The following MYH11 variants were observed in gnomAD, a reference collection of about 807,000 sequenced individuals.
The protein encoded by MYH11 is myosin-11.
MYH11 carries 80 observed loss-of-function variants against 246.6 expected under a neutral mutation model. The ratio of observed to expected loss-of-function variants is 0.32; its 90% confidence interval spans 0.27 to 0.39. The LOEUF (loss-of-function observed/expected upper bound fraction) is 0.39. MYH11 is among the 10% of genes least tolerant of loss of function. The probability of loss-of-function intolerance (pLI) is 1.00; values close to 1 mark genes in which losing one functional copy is unlikely to be tolerated. For missense variants in MYH11, 2,158 were observed against 2,546.8 expected (o/e 0.85, Z 3.29); for synonymous variants, 1,071 against 1,015.5 (o/e 1.05, Z -1.04).
intron 3 of MYH11, among the ~76,000 whole-genome samples, chr16:15,809,792 G>A (rs1434514892): frequency 6.6e-6 from 1 of 151,728 alleles, no homozygotes; most frequent in African/African-American, 2.4e-5. Context: ...TTGTACTGGT[G>A]CATGCCTGTA....
At chr16:15,729,341 G>A (rs1474294148) in intron 27 of MYH11, among the ~76,000 whole-genome samples, 2 of 152,154 alleles carry the variant, frequency 1.3e-5, no homozygotes, top group African/African-American at 4.8e-5. Flanking sequence ...CTGTTTCCCT[G>A]CACCTGAGAT....
In MYH11 at chr16:15,744,148, A is replaced by G. The variant is rs182210722; in HGVS notation, c.2520+981T>C. On this transcript the variant is annotated intron_variant, in intron 20 of 40. Transcript: ENST00000300036. ...AAAAAAAAAAACCTGCAGTATTGAT[A>G]CATGCAACAGTCTGGATGCTCTCTA... 6.9e-4 allele frequency among the ~76,000 whole-genome samples: 105 copies of G among 151,950 alleles called. 1 individual carries two copies. Among genetic ancestry groups the G allele is most frequent in the Non-Finnish European group, 1.2e-4 (8 of 67,956 alleles).
chr16:15,801,808 T>C (rs2042893379), intron 3 of MYH11, among the ~76,000 whole-genome samples: 1 of 151,712 alleles, frequency 6.6e-6, no homozygotes, highest in Non-Finnish European at 1.5e-5. Context: ...AATACAAAAA[T>C]TAGCTGGGCA....
chr16:15,847,040 AT>A (rs769743864), intron 1 of MYH11, among the ~76,000 whole-genome samples: 27 of 152,050 alleles, frequency 1.8e-4, no homozygotes, highest in Non-Finnish European at 3.5e-4. Flanking sequence ...AGTACACTTC[AT>A]TTTCCTTCCC....
chr16:15,836,601 T>C (rs765353104), intron 2 of MYH11, among the ~76,000 whole-genome samples: 21 of 151,918 alleles, frequency 1.4e-4, no homozygotes, highest in East Asian at 7.8e-4. Context: ...GGTTTTACCA[T>C]GTTGGCCAGG....
chr16:15,785,717 AC>A (rs1239910873), intron 5 of MYH11: 2 of 152,358 alleles, frequency 1.3e-5, no homozygotes, highest in African/African-American at 4.8e-5. Context: ...TAGCGGCCCT[AC>A]CACGTGCCCC....
chr16:15,715,425 A>T (rs1308170344), intron 38 of MYH11, among the ~76,000 whole-genome samples, 153 bp from the exon 39 acceptor site: 1 of 152,224 alleles, frequency 6.6e-6, no homozygotes, highest in Non-Finnish European at 1.5e-5. Context: ...GTATTCAGCC[A>T]TGAAAAGGAA....
rs575861306 is a variant in MYH11 at position 15,778,053 on chromosome 16, C to T, written c.790+727G>A. 2.0e-5 allele frequency among the ~76,000 whole-genome samples: 3 copies of T among 152,160 alleles called. No individual in the cohort carries two copies. The South Asian group carries it at 6.2e-4, about 32-fold the overall frequency. The stretch of plus-strand genomic sequence containing the variant: ...CCCAGGTCCTATACATTGCCAAGCA[C>T]GTGTTCCACAGGAAGCCTGAGCCCT... On this transcript the variant is annotated intron_variant, in intron 7 of 40. Transcript: ENST00000300036.
chr16:15,726,770 G>A lies in MYH11; in HGVS notation c.3858+78C>T, dbSNP rs941986028. The stretch of plus-strand genomic sequence containing the variant: ...GCCTTGCAGCAAGAGAGACCTCAGC[G>A]AGCCGGGAAGAGGCTCCTCCCCACA... On this transcript the variant is annotated intron_variant, in intron 28 of 40. Coordinates refer to ENST00000300036, the MANE Select transcript of MYH11 (RefSeq NM_002474.3). 3.9e-5 allele frequency: 61 copies of A among 1,548,598 alleles called. 1 individual carries two copies. The highest frequency in any genetic ancestry group is 8.5e-5 in the Admixed American group (5 of 58,772).
chr16:15,807,639 GGCC>G (rs1307833210), intron 3 of MYH11, among the ~76,000 whole-genome samples: 5 of 152,028 alleles, frequency 3.3e-5, no homozygotes, highest in Non-Finnish European at 7.4e-5. Flanking sequence ...AGCTGGGGGC[GGCC>G]GGCCATCATC....
chr16:15,807,736 C>T (rs530937730), intron 3 of MYH11, among the ~76,000 whole-genome samples: 1 of 152,268 alleles, frequency 6.6e-6, no homozygotes, highest in Non-Finnish European at 1.5e-5. Flanking sequence ...ATGCCTCTCT[C>T]CCTTCCTCCT....
intron 40 of MYH11, among the ~76,000 whole-genome samples, chr16:15,708,134 C>T (rs144789606): frequency 1.3e-5 from 2 of 152,200 alleles, no homozygotes; most frequent in African/African-American, 2.4e-5. Context: ...CTTGGCTTTG[C>T]GGTGGTCAGC....
chr16:15,829,672 A>G (rs1425882257), intron 2 of MYH11, among the ~76,000 whole-genome samples: 1 of 152,190 alleles, frequency 6.6e-6, no homozygotes, highest in Non-Finnish European at 1.5e-5. Context: ...TCCCAGCTGC[A>G]GGCCCAGGAT....
In MYH11 at chr16:15,727,032, T is replaced by G; in HGVS notation, c.3674A>C (p.Asn1225Thr). ...GTTCTCTTTCTCCAGCGTCTGCTTATTCTTGTCTAGGTTCGCCTTGGCCTG... is the reference window on the plus strand; with the variant it reads ...GTTCTCTTTCTCCAGCGTCTGCTTAGTCTTGTCTAGGTTCGCCTTGGCCTG... ...FKRAKANLDKNKQTLEKENAD... is the reference protein window; with the variant it reads ...FKRAKANLDKTKQTLEKENAD... Residue 1225 changes from asparagine to threonine, a missense_variant, in exon 28 of 41, where the codon AAT (asparagine) becomes ACT (threonine). By Grantham distance (65) the Asn-to-Thr change is moderately conservative. This residue lies in a region of MYH11 where 1,013 missense variants were observed against 993.5 expected (regional missense o/e 1.02). Coordinates refer to ENST00000300036, the MANE Select transcript of MYH11 (RefSeq NM_002474.3). 2 of 1,611,978 alleles carry G rather than the reference T, an allele frequency of 1.2e-6. No homozygotes were observed. The highest frequency in any genetic ancestry group is 2.2e-5 in the South Asian group (2 of 90,844).
chr16:15,738,790 C>T, intron 23 of MYH11, 102 bp from the exon 24 acceptor site: 1 of 1,365,910 alleles, frequency 7.3e-7, no homozygotes, highest in Non-Finnish European at 1.0e-6. Flanking sequence ...AAAGAAAAAC[C>T]CACATTATAA....
chr16:15,838,247 C>T lies in MYH11; in HGVS notation c.6G>A (p.Ala2=), dbSNP rs762011909. The change falls in exon 2 of 41, where the codon GCG becomes GCA. Residue 2 remains alanine, a synonymous_variant. Transcript: ENST00000300036. ...CATCGTCACTGAGTTGGCCCTTCTGCGCCATGGTGCCTTGTTGGTCCCCTG... is the reference window on the plus strand; with the variant it reads ...CATCGTCACTGAGTTGGCCCTTCTGTGCCATGGTGCCTTGTTGGTCCCCTG... M[A]QKGQLSDDEK... is the part of the protein sequence containing the mutation. 3.5e-5 allele frequency: 57 copies of T among 1,613,904 alleles called. No individual in the cohort carries two copies. The Admixed American group carries it at 8.0e-4, about 23-fold the overall frequency.
intron 40 of MYH11, chr16:15,714,550 CG>C (rs896541346): frequency 3.2e-5 from 13 of 406,630 alleles, no homozygotes; most frequent in East Asian, 2.1e-4. Context: ...GGTGAAGTGG[CG>C]GGGGGTGGTG....
chr16:15,818,134 C>G (rs553870635), intron 3 of MYH11, among the ~76,000 whole-genome samples: 2 of 152,208 alleles, frequency 1.3e-5, no homozygotes, highest in Non-Finnish European at 2.9e-5. Context: ...TGTGTGTTAC[C>G]CATCCCTCCT....
At chr16:15,715,382 A>G (rs2040069979) in intron 38 of MYH11, 110 bp from the exon 39 acceptor site, 2 of 939,898 alleles carry the variant, frequency 2.1e-6, no homozygotes, top group South Asian at 2.6e-5. Context: ...CCGTATCTGG[A>G]CTCCTCTCAA....
Sources: allele counts gnomAD v4.1 joint callset (sites outside exome capture counted in the v4.1 genomes callset), GRCh38; gene constraint gnomAD v4.1.1; regional missense constraint gnomAD v4.1.1; transcripts MANE v1.5; gene names NCBI Gene and HGNC (gene_info 2026-07-23, HGNC 2026-07-21).